Variants in MEOX2 observed in about 807,000 individuals in gnomAD.
MEOX2 encodes mesenchyme homeobox 2.
In MEOX2, 11 loss-of-function variants were observed where a neutral mutation model predicts 27.0. The ratio of observed to expected loss-of-function variants is 0.41; its 90% CI spans 0.26 to 0.68. The LOEUF is 0.68. Ranked by LOEUF, MEOX2 falls within the 30% of genes least tolerant of loss-of-function variation. MEOX2 has a pLI of 0.33. For missense variants in MEOX2, 436 were observed against 385.4 expected (o/e 1.13, Z -1.10); for synonymous variants, 189 against 155.4 (o/e 1.22, Z -1.61).
chr7:15,664,699 A>G (rs1389839379), intron 1 of MEOX2, among the ~76,000 whole-genome samples: 1 of 152,182 alleles, frequency 6.6e-6, no homozygotes, highest in African/African-American at 2.4e-5. Flanking sequence ...CAAACGTCCT[A>G]TGTTCCCACA....
intron 1 of MEOX2, among the ~76,000 whole-genome samples, chr7:15,644,696 C>T (rs768339706): frequency 1.3e-5 from 2 of 152,254 alleles, no homozygotes; most frequent in Non-Finnish European, 1.5e-5. Flanking sequence ...AAAAGAAAAT[C>T]CAGATTTTTT....
intron 1 of MEOX2, chr7:15,679,510 G>C (rs1782258787): frequency 6.6e-6 from 1 of 152,022 alleles, no homozygotes; most frequent in South Asian, 2.1e-4. Flanking sequence ...ACATTGAATT[G>C]ATTCTACAAA....
intron 1 of MEOX2, among the ~76,000 whole-genome samples, chr7:15,632,418 A>G (rs1049666225): frequency 6.6e-6 from 1 of 151,786 alleles, no homozygotes; most frequent in African/African-American, 2.4e-5. Context: ...TTCCTTTCCT[A>G]GAATTTATTA....
At chr7:15,666,620 T>C (rs967015777) in intron 1 of MEOX2, among the ~76,000 whole-genome samples, 5 of 151,234 alleles carry the variant, frequency 3.3e-5, no homozygotes, top group African/African-American at 1.2e-4. Flanking sequence ...GGCGTTGTGG[T>C]ATGTGCCTAT....
rs568748534 is a variant in MEOX2 at position 15,617,155 on chromosome 7, C to T, written c.691-4544G>A. Among the ~76,000 whole-genome samples, 25 of 152,084 alleles carry T rather than the reference C, an allele frequency of 1.6e-4. 1 individual carries two copies. In the South Asian group the frequency reaches 4.4e-3, roughly 27 times the overall value. ...AATGTCTGTGTTTTGAAGAAAAAAG[C>T]CATAACATCAAACATCTGGATGAAA... On this transcript the variant is annotated intron_variant, in intron 2 of 2. Transcript: ENST00000262041.
In MEOX2 at chr7:15,657,817, G is replaced by A. The variant is rs150196931; in HGVS notation, c.517+28069C>T. The stretch of plus-strand genomic sequence containing the variant: ...GAAACCTGGATAGTTTTAGTATTAT[G>A]TATGGTACTCTTATTTAAACCTTCT... On this transcript the variant is annotated intron_variant, in intron 1 of 2. Coordinates refer to ENST00000262041, the MANE Select transcript of MEOX2 (RefSeq NM_005924.5). 9.2e-5 allele frequency among the ~76,000 whole-genome samples: 14 copies of A among 152,270 alleles called. 1 individual carries two copies. The highest frequency in any genetic ancestry group is 2.4e-4 in the African/African-American group (10 of 41,552).
intron 1 of MEOX2, among the ~76,000 whole-genome samples, chr7:15,628,202 A>T (rs1433499858): frequency 6.6e-6 from 1 of 152,026 alleles, no homozygotes; most frequent in Non-Finnish European, 1.5e-5. Flanking sequence ...ACAAAAATGA[A>T]TTTTTTAGTG....
At chr7:15,614,226 A>C (rs1781085735) in intron 2 of MEOX2, among the ~76,000 whole-genome samples, 1 of 146,052 alleles carries the variant, frequency 6.8e-6, no homozygotes, top group Non-Finnish European at 1.5e-5. Flanking sequence ...AAATAAAATA[A>C]AATAAAATAA....
chr7:15,684,491 C>T (rs938210622), intron 1 of MEOX2, among the ~76,000 whole-genome samples: 1 of 152,094 alleles, frequency 6.6e-6, no homozygotes, highest in Non-Finnish European at 1.5e-5. Flanking sequence ...AAAGTTCACC[C>T]CCTGACCTTG....
intron 1 of MEOX2, among the ~76,000 whole-genome samples, chr7:15,665,694 G>A (rs1781992333): frequency 6.6e-6 from 1 of 152,142 alleles, no homozygotes; most frequent in Non-Finnish European, 1.5e-5. Context: ...TACTGGCAAA[G>A]TAATTTGTAG....
chr7:15,671,899 A>C (rs931604189), intron 1 of MEOX2, among the ~76,000 whole-genome samples: 1 of 152,042 alleles, frequency 6.6e-6, no homozygotes, highest in Non-Finnish European at 1.5e-5. Context: ...GTACATCTCT[A>C]TTAATAATAC....
At chr7:15,656,122 T>C (rs568649715) in intron 1 of MEOX2, among the ~76,000 whole-genome samples, 8 of 151,996 alleles carry the variant, frequency 5.3e-5, no homozygotes, top group African/African-American at 1.9e-4. Flanking sequence ...TGGTAATTTT[T>C]TTCTCTAAAG....
intron 2 of MEOX2, among the ~76,000 whole-genome samples, chr7:15,622,218 T>C (rs1413118919): frequency 6.6e-6 from 1 of 152,206 alleles, no homozygotes; most frequent in African/African-American, 2.4e-5. Flanking sequence ...GATATACATA[T>C]AGTTAGAAGT....
At chr7:15,633,706 T>A (rs1216165436) in intron 1 of MEOX2, among the ~76,000 whole-genome samples, 1 of 151,928 alleles carries the variant, frequency 6.6e-6, no homozygotes, top group Non-Finnish European at 1.5e-5. Flanking sequence ...CGCTTTAATG[T>A]ATTTTTAAGC....
intron 1 of MEOX2, among the ~76,000 whole-genome samples, chr7:15,656,276 T>G (rs184253537): frequency 6.6e-6 from 1 of 151,868 alleles, no homozygotes; most frequent in East Asian, 1.9e-4. Context: ...ACACAATAAA[T>G]GGTTGGTTCA....
chr7:15,640,254 T>TTGTGTGTGTG (rs34600761), intron 1 of MEOX2, among the ~76,000 whole-genome samples: 1 of 145,914 alleles, frequency 6.9e-6, no homozygotes, highest in African/African-American at 2.5e-5. Context: ...GTGTGTGTGT[T>TTGTGTGTGTG]TGTGTGTGTG....
intron 1 of MEOX2, among the ~76,000 whole-genome samples, chr7:15,628,728 A>T (rs965923013): frequency 2.0e-5 from 3 of 152,148 alleles, no homozygotes; most frequent in African/African-American, 7.2e-5. Flanking sequence ...TGGAAACTGC[A>T]GTCCATCATC....
At chr7:15,633,051 C>G (rs1781426134) in intron 1 of MEOX2, among the ~76,000 whole-genome samples, 1 of 151,890 alleles carries the variant, frequency 6.6e-6, no homozygotes, top group Non-Finnish European at 1.5e-5. Context: ...CCACTTCTGT[C>G]AGCTCCCTTC....
intron 1 of MEOX2, among the ~76,000 whole-genome samples, chr7:15,682,845 G>A (rs1391380496): frequency 2.6e-5 from 4 of 151,976 alleles, no homozygotes; most frequent in Middle Eastern, 3.4e-3. Context: ...TTGAAGACGT[G>A]GCAGATGTTG....
Sources: gnomAD v4.1 joint callset for allele counts (sites outside exome capture counted in the v4.1 genomes callset) on GRCh38, gnomAD v4.1.1 for gene constraint, MANE v1.5 for transcripts, NCBI Gene and HGNC (gene_info 2026-07-23, HGNC 2026-07-21) for gene names.